The following NIPAL4 variants were observed in gnomAD, a reference collection of about 807,000 sequenced individuals.
The protein encoded by NIPAL4 is magnesium transporter NIPA4.
A neutral mutation model predicts 31.6 loss-of-function variants in NIPAL4; 21 were observed. The observed-to-expected ratio is 0.67, with a 90% CI of 0.47 to 0.96. The LOEUF (loss-of-function observed/expected upper bound fraction) is 0.96. Ranked by LOEUF, NIPAL4 falls within the 40% of genes least tolerant of loss-of-function variation. The probability of loss-of-function intolerance (pLI) is 0.00; values close to 1 mark genes in which losing one functional copy is unlikely to be tolerated. For synonymous variants in NIPAL4, 175 were observed against 211.1 expected (o/e 0.83, Z 1.48); for missense variants, 438 against 508.0 (o/e 0.86, Z 1.32).
In NIPAL4 at chr5:157,473,891, C is replaced by G. The variant is rs1460292954; in HGVS notation, c.*931C>G. The G allele has an allele frequency of 6.6e-6, 1 of 152,238 alleles. No individual in the cohort carries two copies. Among genetic ancestry groups the G allele is most frequent in the Non-Finnish European group, 1.5e-5 (1 of 68,050 alleles). 9.4% of individuals were successfully genotyped at this position (152,238 alleles called of 1,614,324 possible). ...CTTTACTATTCCTCAAGGAGTCAAC[C>G]AACCTATGATCTGGGGAGGTGGGAA... is the stretch of plus-strand genomic sequence containing the variant. On this transcript the variant is annotated 3_prime_UTR_variant, in exon 6 of 6. Transcript: ENST00000311946.
At position 157,472,446 on chromosome 5, in the gene NIPAL4, T is replaced by A; in HGVS notation, c.701T>A (p.Ile234Asn). The part of the protein sequence containing the change: ...ILIYIIICSV[I>N]GAFSVAAVKG... The stretch of plus-strand genomic sequence containing the variant: ...ATCTACATCATCATCTGCTCTGTGA[T>A]CGGGGCCTTCTCTGTGGCTGCTGTC... Residue 234 changes from isoleucine (I) to asparagine (N), a missense_variant, in exon 6 of 6, where the codon ATC becomes AAC. Coordinates refer to ENST00000311946, the MANE Select transcript of NIPAL4 (RefSeq NM_001099287.2). 4 of 1,613,866 alleles carry A rather than the reference T, an allele frequency of 2.5e-6. No individual in the cohort carries two copies. Among genetic ancestry groups the A allele is most frequent in the Non-Finnish European group, 3.4e-6 (4 of 1,179,862 alleles).
intron 2 of NIPAL4, among the ~76,000 whole-genome samples, chr5:157,465,809 T>C (rs563881378): frequency 4.1e-4 from 62 of 151,960 alleles, no homozygotes; most frequent in Non-Finnish European, 7.4e-4. Context: ...CTGGGAAACA[T>C]AGCAAGACCC....
chr5:157,467,019 A>C (rs1333602141), intron 2 of NIPAL4, 30 bp from the exon 3 acceptor site: 1 of 1,584,138 alleles, frequency 6.3e-7, no homozygotes, highest in Non-Finnish European at 8.7e-7. Flanking sequence ...GCCAAGTTCC[A>C]TCCTAACTTT....
chr5:157,463,009 G>T, intron 1 of NIPAL4, 85 bp from the exon 2 acceptor site: 1 of 1,548,080 alleles, frequency 6.5e-7, no homozygotes, highest in Middle Eastern at 1.7e-4. Context: ...GGAAGCACAG[G>T]GTTTGAAACA....
In NIPAL4 at chr5:157,463,313, C is replaced by A. The variant is rs201443898; in HGVS notation, c.257C>A (p.Ala86Asp). ...LKKKGLLRLV[A>D]TGATRAVDGG... ...AAGAAAGGCCTCTTGCGACTCGTGGCCACGGGAGCCACTCGAGCTGGTAGG... is the reference window on the plus strand; with the variant it reads ...AAGAAAGGCCTCTTGCGACTCGTGGACACGGGAGCCACTCGAGCTGGTAGG... Residue 86 changes from alanine to aspartate, a missense_variant, in exon 2 of 6, where the codon GCC becomes GAC. By Grantham distance (126) the Ala-to-Asp change is moderately radical (BLOSUM62 -2). Transcript: ENST00000311946. 2.8e-5 allele frequency: 45 copies of A among 1,609,686 alleles called. No homozygotes were observed. In the African/African-American group the frequency reaches 4.8e-4, roughly 17 times the overall value.
chr5:157,471,513 T>G, intron 4 of NIPAL4, 144 bp from the exon 5 acceptor site: 1 of 646,862 alleles, frequency 1.5e-6, no homozygotes, highest in Non-Finnish European at 2.6e-6. Flanking sequence ...TAACGTAAGT[T>G]TTTTTGGAAG....
chr5:157,468,936 G>C, intron 4 of NIPAL4, 124 bp downstream of exon 4: 1 of 643,056 alleles, frequency 1.6e-6, no homozygotes, highest in Non-Finnish European at 2.7e-6. Context: ...TCAGCCTCCA[G>C]AAAGAGGCAG....
rs747829245 is a variant in NIPAL4, at chr5:157,471,659, C to A, written c.428C>A (p.Ala143Asp). 1 of 1,605,144 alleles carries A rather than the reference C, an allele frequency of 6.2e-7. No homozygotes were observed. The highest frequency in any genetic ancestry group is 1.7e-5 in the Admixed American group (1 of 59,202). Residue 143 changes from alanine (A) to aspartate (D), a missense_variant and splice_region_variant, in exon 5 of 6, where the codon GCC becomes GAC. Transcript: ENST00000311946. ...PLGALSVLIS[A>D]ILSSYFLRES... The stretch of plus-strand genomic sequence containing the variant: ...CCTTCTCCCATTTCCACGTGCAGTG[C>A]CATCCTCTCCTCATATTTCCTGAGG...
In NIPAL4 at chr5:157,467,300, T is replaced by A. The variant is rs946582490; in HGVS notation, c.334+195T>A. On this transcript the variant is annotated intron_variant, in intron 3 of 5. Coordinates refer to ENST00000311946, the MANE Select transcript of NIPAL4 (RefSeq NM_001099287.2). ...AAAGTCAGTCTTCATCCATGAAGCGTCTACTCCCAGAGAGGTTTGCACAGA... is the reference window on the plus strand; with the variant it reads ...AAAGTCAGTCTTCATCCATGAAGCGACTACTCCCAGAGAGGTTTGCACAGA... The A allele has an allele frequency of 8.6e-6, 5 of 580,008 alleles. No individual in the cohort carries two copies. The African/African-American group carries it at 9.3e-5, about 11-fold the overall frequency. The allele number at this position is 580,008 out of a possible 1,614,324, so 35.9% of individuals were successfully genotyped here.
At chr5:157,469,948 G>A (rs1179643661) in intron 4 of NIPAL4, among the ~76,000 whole-genome samples, 1 of 152,180 alleles carries the variant, frequency 6.6e-6, no homozygotes, top group African/African-American at 2.4e-5. Flanking sequence ...TCCTACCCGG[G>A]GGAAGTTGGG....
chr5:157,463,070 T>C, intron 1 of NIPAL4, 24 bp from the exon 2 acceptor site: 1 of 1,613,140 alleles, frequency 6.2e-7, no homozygotes, highest in South Asian at 1.1e-5. Context: ...AGTGTGACTC[T>C]CTCACTGTGG....
intron 2 of NIPAL4, among the ~76,000 whole-genome samples, chr5:157,465,713 T>C (rs1171083388): frequency 6.6e-6 from 1 of 152,188 alleles, no homozygotes; most frequent in African/African-American, 2.4e-5. Flanking sequence ...GAACCCCAGC[T>C]GGGCACAGTC....
At position 157,471,791 on chromosome 5, in the gene NIPAL4, A is replaced by G; in HGVS notation, c.560A>G (p.Glu187Gly). 6.3e-7 allele frequency: 1 copy of G among 1,595,960 alleles called. No individual in the cohort carries two copies. Among genetic ancestry groups the G allele is most frequent in the East Asian group, 2.3e-5 (1 of 44,254 alleles). The change falls in exon 5 of 6, where the codon GAG becomes GGG. Residue 187 changes from glutamate (E) to glycine (G), a missense_variant. By Grantham distance (98) the Glu-to-Gly change is moderately conservative (BLOSUM62 -2). Coordinates refer to ENST00000311946, the MANE Select transcript of NIPAL4 (RefSeq NM_001099287.2). ...GAAGAGAAGGTCACTACCATCATGG[A>G]GATGGCTTCCAAGATGAAAGACACA... ...PEEEKVTTIM[E>G]MASKMKDTGF...
intron 2 of NIPAL4, among the ~76,000 whole-genome samples, 182 bp from the exon 3 acceptor site, chr5:157,466,867 G>C (rs1403163417): frequency 6.6e-6 from 1 of 152,188 alleles, no homozygotes; most frequent in Non-Finnish European, 1.5e-5. Context: ...TACAGATATA[G>C]AGGCATCAGA....
In NIPAL4 at chr5:157,472,379, A is replaced by G; in HGVS notation, c.634A>G (p.Ile212Val). ...TCTGCTGGTGTCATGCCTCATCCTCATCTTTGTCATTGCCCCACGTTACGG... is the reference window on the plus strand; with the variant it reads ...TCTGCTGGTGTCATGCCTCATCCTCGTCTTTGTCATTGCCCCACGTTACGG... The part of the protein sequence containing the change: ...VLLLVSCLIL[I>V]FVIAPRYGQR... Residue 212 changes from isoleucine (I) to valine (V), a missense_variant, in exon 6 of 6, where the codon ATC (isoleucine) becomes GTC (valine). Ile to Val is a conservative substitution (Grantham distance 29, BLOSUM62 3). Transcript: ENST00000311946. 6.2e-7 allele frequency: 1 copy of G among 1,611,440 alleles called. No individual in the cohort carries two copies. Among genetic ancestry groups the G allele is most frequent in the Non-Finnish European group, 8.5e-7 (1 of 1,178,980 alleles).
chr5:157,464,901 G>T (rs749294115), intron 2 of NIPAL4, among the ~76,000 whole-genome samples: 2 of 152,132 alleles, frequency 1.3e-5, no homozygotes, highest in African/African-American at 2.4e-5. Context: ...ATAAAATGGA[G>T]ATAAGAATAG....
intron 2 of NIPAL4, among the ~76,000 whole-genome samples, chr5:157,466,534 C>T (rs1287514859): frequency 6.6e-6 from 1 of 152,204 alleles, no homozygotes; most frequent in Non-Finnish European, 1.5e-5. Flanking sequence ...TTGCCTCAAC[C>T]TGAAGCAGGG....
intron 4 of NIPAL4, among the ~76,000 whole-genome samples, chr5:157,470,570 A>G (rs1409813185): frequency 6.6e-6 from 1 of 152,220 alleles, no homozygotes; most frequent in African/African-American, 2.4e-5. Flanking sequence ...TGCTAGTGTG[A>G]TAGACGGGAA....
At chr5:157,467,414 C>T (rs1581268637) in intron 3 of NIPAL4, 1 of 335,098 alleles carries the variant, frequency 3.0e-6, no homozygotes, top group South Asian at 2.8e-5. Context: ...CTCTTGACTT[C>T]TACATGGTAG....
Sources: gnomAD v4.1 joint callset for allele counts (sites outside exome capture counted in the v4.1 genomes callset) on GRCh38, gnomAD v4.1.1 for gene constraint, MANE v1.5 for transcripts, NCBI Gene and HGNC (gene_info 2026-07-23, HGNC 2026-07-21) for gene names.